Variants in SACS observed in about 807,000 individuals in gnomAD.
The protein encoded by SACS is sacsin molecular chaperone.
In SACS, 197 loss-of-function variants were observed where a neutral mutation model predicts 348.0. The observed-to-expected ratio is 0.57, with a 90% CI of 0.50 to 0.64. SACS has a LOEUF of 0.64. SACS is among the 30% of genes least tolerant of loss of function. SACS has a pLI of 0.00. For synonymous variants in SACS, 1,985 were observed against 1,910.6 expected, an observed-to-expected ratio of 1.04 and a Z score of -1.02; for missense variants, 4,999 against 5,360.8, an observed-to-expected ratio of 0.93 and a Z score of 2.11.
intron 2 of SACS, among the ~76,000 whole-genome samples, chr13:23,391,798 A>G (rs1285712899): frequency 9.0e-6 from 1 of 111,534 alleles, no homozygotes; most frequent in East Asian, 5.5e-4. Context: ...GAGAAAGGGA[A>G]TCAAACTGAC....
chr13:23,355,635 G>A lies in SACS; in HGVS notation c.977C>T (p.Thr326Ile). 1 of 1,614,036 alleles carries A rather than the reference G, an allele frequency of 6.2e-7. No individual in the cohort carries two copies. The highest frequency in any genetic ancestry group is 8.5e-7 in the Non-Finnish European group (1 of 1,180,036). ...VSLYVREADG[T>I]EKLVFRVTSS... ...AGTCACTCTAAACACCAGTTTCTCT[G>A]TTCCGTCAGCCTCTCGGACATATAA... The change falls in exon 8 of 10, where the codon ACA (threonine) becomes ATA (isoleucine). Residue 326 changes from threonine to isoleucine, a missense_variant. Thr to Ile is a moderately conservative substitution (Grantham distance 89). Coordinates refer to ENST00000382292, the MANE Select transcript of SACS (RefSeq NM_014363.6).
chr13:23,395,488 T>C (rs1169547923), intron 2 of SACS, among the ~76,000 whole-genome samples: 1 of 152,300 alleles, frequency 6.6e-6, no homozygotes, highest in Middle Eastern at 3.4e-3. Flanking sequence ...TTCAGTTCCT[T>C]TGAATCCTTT....
chr13:23,374,680 T>C (rs150100895), intron 3 of SACS, among the ~76,000 whole-genome samples: 1 of 152,348 alleles, frequency 6.6e-6, no homozygotes, highest in African/African-American at 2.4e-5. Context: ...GGTTCTATAT[T>C]AAATTATGTC....
intron 2 of SACS, among the ~76,000 whole-genome samples, chr13:23,405,737 A>AACAG (rs1367909541): frequency 6.6e-6 from 1 of 152,232 alleles, no homozygotes; most frequent in Non-Finnish European, 1.5e-5. Context: ...AAAGGATATG[A>AACAG]ACAGACACTT....
At chr13:23,429,344 G>GTTTTTT (rs1566116540) in intron 1 of SACS, among the ~76,000 whole-genome samples, 2 of 65,384 alleles carry the variant, frequency 3.1e-5, no homozygotes, top group Non-Finnish European at 8.4e-5. Flanking sequence ...TTGAGGTAGG[G>GTTTTTT]ATTTTTTTTT....
At chr13:23,402,697 G>A (rs559309645) in intron 2 of SACS, among the ~76,000 whole-genome samples, 9 of 152,264 alleles carry the variant, frequency 5.9e-5, no homozygotes, top group South Asian at 2.1e-4. Context: ...AAGCCCTCTC[G>A]GGAAATCTGC....
chr13:23,381,435 C>T (rs1410559946), intron 2 of SACS, among the ~76,000 whole-genome samples: 4 of 151,672 alleles, frequency 2.6e-5, no homozygotes, highest in African/African-American at 7.3e-5. Flanking sequence ...ATGAAGCGCG[C>T]GCACACACAC....
Position 23,415,161 on chromosome 13 carries a change from A to G in SACS, c.-501-3421T>C, listed in dbSNP as rs148988766. Among the ~76,000 whole-genome samples, 6 of 152,014 alleles carry G rather than the reference A, an allele frequency of 3.9e-5. No individual in the cohort carries two copies. The East Asian group carries it at 9.6e-4, about 24-fold the overall frequency. On this transcript the variant is annotated intron_variant, in intron 1 of 9. Coordinates refer to ENST00000382292, the MANE Select transcript of SACS (RefSeq NM_014363.6). ...ATTCTCCTACCTCAGCCTCCCGAGT[A>G]GCTGGGACTACAGGCATGCACCACT...
At position 23,334,433 on chromosome 13, in the gene SACS, A is replaced by G. The variant is rs772111777; in HGVS notation, c.9443T>C (p.Ile3148Thr). 3 of 1,612,800 alleles carry G rather than the reference A, an allele frequency of 1.9e-6. No homozygotes were observed. The highest frequency in any genetic ancestry group is 1.1e-5 in the South Asian group (1 of 91,062). The change falls in exon 10 of 10, where the codon ATT becomes ACT. Residue 3148 changes from isoleucine to threonine, a missense_variant. Ile to Thr is a moderately conservative substitution (Grantham distance 89). Around this residue, in one of 6 missense-constraint regions of SACS, gnomAD observed 734 missense variants for 694.0 expected, o/e 1.06. Transcript: ENST00000382292. ...YCFKDAEENE[I>T]EVEGLPLLIT... ...GAGAAGGGGCAATCCCTCAACTTCA[A>G]TCTCATTTTCTTCTGCATCTTTAAA...
chr13:23,397,488 A>T (rs371178365), intron 2 of SACS, among the ~76,000 whole-genome samples: 2 of 152,300 alleles, frequency 1.3e-5, no homozygotes, highest in East Asian at 3.9e-4. Flanking sequence ...TAAAATGACA[A>T]AGTTTTCTTG....
At chr13:23,379,889 C>A (rs987444287) in intron 2 of SACS, among the ~76,000 whole-genome samples, 47 of 152,116 alleles carry the variant, frequency 3.1e-4, no homozygotes, top group Non-Finnish European at 3.7e-4. Flanking sequence ...GCTTTATGCC[C>A]CAGGCAGGAC....
intron 4 of SACS, 121 bp downstream of exon 4, chr13:23,370,955 GCA>G (rs1871348672): frequency 5.8e-6 from 3 of 513,248 alleles, no homozygotes; most frequent in Non-Finnish European, 7.2e-6. Context: ...TTGTGCCACT[GCA>G]CTCCAGCCTG....
At chr13:23,388,525 G>A (rs983823222) in intron 2 of SACS, among the ~76,000 whole-genome samples, 17 of 146,116 alleles carry the variant, frequency 1.2e-4, no homozygotes, top group Admixed American at 7.6e-4. Flanking sequence ...ACATACCACA[G>A]GCTACTACTC....
intron 3 of SACS, among the ~76,000 whole-genome samples, chr13:23,371,881 A>AT (rs1376362894): frequency 6.6e-6 from 1 of 152,230 alleles, no homozygotes; most frequent in Non-Finnish European, 1.5e-5. Flanking sequence ...GGTAAGTACT[A>AT]ACACTGTTCT....
Position 23,385,956 on chromosome 13 carries a change from T to C in SACS, c.21-10687A>G, listed in dbSNP as rs117035358. Among the ~76,000 whole-genome samples, 207 of 152,360 alleles carry C rather than the reference T, an allele frequency of 1.4e-3. 8 individuals are homozygous for C. In the East Asian group the frequency reaches 0.038, roughly 28 times the overall value. ...TAATATTTTGAAAGGAATCTTTCTTTCTGAACAGTTGGTCTCAACAGTGGG... is the reference window on the plus strand; with the variant it reads ...TAATATTTTGAAAGGAATCTTTCTTCCTGAACAGTTGGTCTCAACAGTGGG... On this transcript the variant is annotated intron_variant, in intron 2 of 9. Coordinates refer to ENST00000382292, the MANE Select transcript of SACS (RefSeq NM_014363.6).
At chr13:23,412,075 C>T (rs1334632602) in intron 1 of SACS, among the ~76,000 whole-genome samples, 3 of 152,194 alleles carry the variant, frequency 2.0e-5, no homozygotes, top group Non-Finnish European at 2.9e-5. Context: ...CTGGCTAATA[C>T]GGTGAAACCC....
At chr13:23,348,484 C>A (rs1379235523) in intron 9 of SACS, among the ~76,000 whole-genome samples, 1 of 152,148 alleles carries the variant, frequency 6.6e-6, no homozygotes, top group East Asian at 1.9e-4. Flanking sequence ...AGGCTCTCGG[C>A]CAGACCTTGG....
chr13:23,403,866 T>C (rs892970023), intron 2 of SACS, among the ~76,000 whole-genome samples: 1 of 152,230 alleles, frequency 6.6e-6, no homozygotes, highest in African/African-American at 2.4e-5. Context: ...TTTCCTGCCT[T>C]CTCCTGTGGG....
In SACS at chr13:23,333,469, T is replaced by C; in HGVS notation, c.10407A>G (p.Val3469=). The change falls in exon 10 of 10, where the codon GTA becomes GTG. Residue 3469 remains valine, a synonymous_variant. Transcript: ENST00000382292. ...AATATACCTCAAGATCATCTACAGG[T>C]ACACAACCAATCACCTCATATAGTT... ...LKELYEVIGC[V]PVDDLEVYLK... The C allele has an allele frequency of 6.2e-7, 1 of 1,612,996 alleles. No individual in the cohort carries two copies.
Sources: allele counts gnomAD v4.1 joint callset (sites outside exome capture counted in the v4.1 genomes callset), GRCh38; gene constraint gnomAD v4.1.1; regional missense constraint gnomAD v4.1.1; transcripts MANE v1.5; gene names NCBI Gene and HGNC (gene_info 2026-07-23, HGNC 2026-07-21).